KCNK2: variants seen among roughly 807,000 people sequenced by gnomAD.
KCNK2 encodes the protein potassium two pore domain channel subfamily K member 2.
KCNK2 carries 21 observed loss-of-function variants against 40.5 expected under a neutral mutation model. The ratio of observed to expected loss-of-function variants is 0.52; its 90% CI spans 0.37 to 0.75. The LOEUF is 0.75. KCNK2 is among the 30% of genes least tolerant of loss of function. The probability of loss-of-function intolerance (pLI) is 0.00; values close to 1 mark genes in which losing one functional copy is unlikely to be tolerated. For synonymous variants in KCNK2, 191 were observed against 202.2 expected (o/e 0.94, Z 0.47); for missense variants, 399 against 531.6 (o/e 0.75, Z 2.45).
intron 6 of KCNK2, among the ~76,000 whole-genome samples, chr1:215,233,349 A>T (rs1666750281): frequency 6.6e-6 from 1 of 152,058 alleles, no homozygotes; most frequent in Non-Finnish European, 1.5e-5. Flanking sequence ...CCCCAAATGT[A>T]TGTGTCTGTA....
intron 6 of KCNK2, among the ~76,000 whole-genome samples, chr1:215,209,231 A>C (rs1354914775): frequency 2.4e-4 from 31 of 128,274 alleles, no homozygotes; most frequent in African/African-American, 9.5e-4. Flanking sequence ...TTATATATAA[A>C]ATATATATAA....
At chr1:215,234,389 T>C (rs879489147) in intron 6 of KCNK2, among the ~76,000 whole-genome samples, 2 of 152,230 alleles carry the variant, frequency 1.3e-5, no homozygotes, top group South Asian at 2.1e-4. Flanking sequence ...TGGGTTCATA[T>C]TGCAGACTCT....
At chr1:215,159,078 C>T (rs1663075118) in intron 3 of KCNK2, among the ~76,000 whole-genome samples, 1 of 152,150 alleles carries the variant, frequency 6.6e-6, no homozygotes, top group Admixed American at 6.6e-5. Context: ...TTTAAATTAC[C>T]TTCATGCAAG....
At chr1:215,164,043 T>C (rs1663327747) in intron 3 of KCNK2, among the ~76,000 whole-genome samples, 1 of 152,230 alleles carries the variant, frequency 6.6e-6, no homozygotes, top group Admixed American at 6.5e-5. Flanking sequence ...TGAATCTGTC[T>C]GGTCCTGGAC....
At chr1:215,193,211 A>T (rs1011785469) in intron 5 of KCNK2, among the ~76,000 whole-genome samples, 2 of 152,112 alleles carry the variant, frequency 1.3e-5, no homozygotes, top group South Asian at 4.1e-4. Flanking sequence ...ATAATGTTAT[A>T]CTCAGTATTT....
chr1:215,213,525 C>T (rs774718184), intron 6 of KCNK2, among the ~76,000 whole-genome samples: 1 of 152,140 alleles, frequency 6.6e-6, no homozygotes, highest in Non-Finnish European at 1.5e-5. Flanking sequence ...ACAGGAGAAT[C>T]GCTTGAACCC....
chr1:215,177,586 C>T (rs1424341690), intron 5 of KCNK2, among the ~76,000 whole-genome samples: 1 of 151,394 alleles, frequency 6.6e-6, no homozygotes, highest in African/African-American at 2.4e-5. Context: ...AGCTAGCTAT[C>T]CCAGCACCAT....
intron 5 of KCNK2, among the ~76,000 whole-genome samples, chr1:215,185,011 G>A (rs1664376075): frequency 6.6e-6 from 1 of 152,082 alleles, no homozygotes; most frequent in Non-Finnish European, 1.5e-5. Context: ...AAAATTCAGA[G>A]TCATGGCATA....
Position 215,186,211 on chromosome 1 carries a change from C to T in KCNK2, c.824-8742C>T, listed in dbSNP as rs1292216423. Among the ~76,000 whole-genome samples the T allele has an allele frequency of 2.0e-5, 3 of 152,110 alleles. No individual in the cohort carries two copies. The East Asian group carries it at 5.8e-4, about 29-fold the overall frequency. On this transcript the variant is annotated intron_variant, in intron 5 of 6. Coordinates refer to ENST00000444842, the MANE Select transcript of KCNK2 (RefSeq NM_001017425.3). The stretch of plus-strand genomic sequence containing the variant: ...ATCACTTGTGGCCAGAAGTTCAAGA[C>T]CAGCCTGGGCAACATAGTGAGACTC...
intron 2 of KCNK2, among the ~76,000 whole-genome samples, chr1:215,100,369 A>G (rs577562925): frequency 6.6e-6 from 1 of 152,108 alleles, no homozygotes; most frequent in East Asian, 1.9e-4. Flanking sequence ...TTGGGACTAA[A>G]TGGAACGTCT....
At chr1:215,068,143 C>G (rs544708645) in intron 1 of KCNK2, among the ~76,000 whole-genome samples, 2 of 151,742 alleles carry the variant, frequency 1.3e-5, no homozygotes, top group African/African-American at 4.8e-5. Flanking sequence ...ATTAATCACC[C>G]ACTCTCTGGA....
At chr1:215,036,504 G>T (rs1333042394) in intron 1 of KCNK2, among the ~76,000 whole-genome samples, 2 of 151,032 alleles carry the variant, frequency 1.3e-5, no homozygotes, top group East Asian at 3.9e-4. Flanking sequence ...TAACTTTGCT[G>T]TAGCTATTCT....
At position 215,165,726 on chromosome 1, in the gene KCNK2, T is replaced by C. The variant is rs553042479; in HGVS notation, c.476-3473T>C. Among the ~76,000 whole-genome samples the C allele has an allele frequency of 2.1e-3, 315 of 152,264 alleles. 1 individual carries two copies. Among genetic ancestry groups the C allele is most frequent in the Non-Finnish European group, 3.6e-3 (246 of 68,014 alleles). On this transcript the variant is annotated intron_variant, in intron 3 of 6. Coordinates refer to ENST00000444842, the MANE Select transcript of KCNK2 (RefSeq NM_001017425.3). ...TGCCCAGGTAACTAAGGAGTGATGG[T>C]TCCAGGAATGGCTATAATATACTGC...
At chr1:215,213,531 A>C (rs934775391) in intron 6 of KCNK2, among the ~76,000 whole-genome samples, 1 of 152,176 alleles carries the variant, frequency 6.6e-6, no homozygotes, top group Non-Finnish European at 1.5e-5. Flanking sequence ...GAATCGCTTG[A>C]ACCCGGGAGG....
At chr1:215,189,749 T>C (rs1441011343) in intron 5 of KCNK2, among the ~76,000 whole-genome samples, 1 of 152,186 alleles carries the variant, frequency 6.6e-6, no homozygotes, top group Admixed American at 6.5e-5. Context: ...AAAGGGGTTC[T>C]CAGTCCTTGA....
chr1:215,221,736 A>G (rs1478635177), intron 6 of KCNK2, among the ~76,000 whole-genome samples: 2 of 152,166 alleles, frequency 1.3e-5, no homozygotes, highest in Non-Finnish European at 2.9e-5. Context: ...TCAAATGCAT[A>G]TTGTTCAGGA....
At chr1:215,080,569 C>A (rs1413105947), upstream of KCNK2, among the ~76,000 whole-genome samples, 4 of 151,090 alleles carry the variant, frequency 2.6e-5, no homozygotes, top group Non-Finnish European at 5.9e-5. Flanking sequence ...AGATGTTTAT[C>A]AAACACGTAT....
At chr1:215,135,395 T>C (rs1661857812) in intron 3 of KCNK2, among the ~76,000 whole-genome samples, 1 of 152,186 alleles carries the variant, frequency 6.6e-6, no homozygotes, top group Non-Finnish European at 1.5e-5. Flanking sequence ...GTTTGTATAT[T>C]GAATGACTGT....
chr1:215,141,723 G>A (rs1364887979), intron 3 of KCNK2, among the ~76,000 whole-genome samples: 2 of 151,906 alleles, frequency 1.3e-5, no homozygotes, highest in Admixed American at 1.3e-4. Context: ...TTGTCTCCTG[G>A]CAACTGCAGG....
Sources: gnomAD v4.1 joint callset for allele counts (sites outside exome capture counted in the v4.1 genomes callset) on GRCh38, gnomAD v4.1.1 for gene constraint, MANE v1.5 for transcripts, NCBI Gene and HGNC (gene_info 2026-07-23, HGNC 2026-07-21) for gene names.